Variants in PARP2 observed in about 807,000 individuals in gnomAD.
The protein encoded by PARP2 is poly [ADP-ribose] polymerase 2.
Under a neutral mutation model 77.8 loss-of-function variants are expected in PARP2, and 57 were observed. The ratio of observed to expected loss-of-function variants is 0.73; its 90% confidence interval spans 0.59 to 0.91. The LOEUF (loss-of-function observed/expected upper bound fraction) is 0.91, where lower values mean the gene tolerates loss of function less well. Ranked by LOEUF, PARP2 falls within the 40% of genes least tolerant of loss-of-function variation. The probability of loss-of-function intolerance (pLI) is 0.00; values close to 1 mark genes in which losing one functional copy is unlikely to be tolerated. For missense variants in PARP2, 651 were observed against 689.0 expected (o/e 0.94, Z 0.62); for synonymous variants, 226 against 242.6 (o/e 0.93, Z 0.64).
chr14:20,353,993 C>A, intron 7 of PARP2, 92 bp from the exon 8 acceptor site: 1 of 1,046,460 alleles, frequency 9.6e-7, no homozygotes, highest in Non-Finnish European at 1.4e-6. Flanking sequence ...AAAAACTTTA[C>A]AAAGCATTTA....
At chr14:20,357,290 C>T (rs1164882300) in intron 14 of PARP2, 106 bp from the exon 15 acceptor site, 2 of 1,391,700 alleles carry the variant, frequency 1.4e-6, no homozygotes, top group Non-Finnish European at 2.0e-6. Context: ...CATTGGATTC[C>T]TCTGCTGGAG....
intron 9 of PARP2, 132 bp from the exon 10 acceptor site, chr14:20,355,620 T>C (rs1884115757): frequency 3.2e-6 from 2 of 630,766 alleles, no homozygotes; most frequent in South Asian, 4.1e-5. Flanking sequence ...ACAGATCTCT[T>C]TCTCTCTCAA....
intron 3 of PARP2, among the ~76,000 whole-genome samples, chr14:20,346,321 CTTTTTTTT>C (rs71108595): frequency 3.3e-5 from 3 of 90,858 alleles, no homozygotes; most frequent in African/African-American, 1.4e-4. Flanking sequence ...CAGTTAGAAT[CTTTTTTTT>C]TTTTTTTTTT....
At chr14:20,355,159 A>T in intron 9 of PARP2, 1 of 468,080 alleles carries the variant, frequency 2.1e-6, no homozygotes, top group Non-Finnish European at 3.7e-6. Context: ...ATATTCTCTG[A>T]CAAAGTGGAA....
intron 4 of PARP2, among the ~76,000 whole-genome samples, chr14:20,347,867 G>T (rs1883825743): frequency 7.2e-6 from 1 of 139,394 alleles, no homozygotes; most frequent in African/African-American, 3.1e-5. Context: ...ATATCCTTTT[G>T]CACATTTTTT....
chr14:20,356,481 T>A (rs1884157141), intron 12 of PARP2, 47 bp downstream of exon 12: 1 of 1,613,264 alleles, frequency 6.2e-7, no homozygotes, highest in African/African-American at 1.3e-5. Flanking sequence ...TGCCCGAAAG[T>A]ACAGCTGTAG....
chr14:20,354,312 T>C (rs1884065134), intron 8 of PARP2, 65 bp downstream of exon 8: 1 of 1,254,768 alleles, frequency 8.0e-7, no homozygotes, highest in Non-Finnish European at 1.1e-6. Flanking sequence ...ATGGATACTT[T>C]ATTATCATTA....
At chr14:20,347,385 TATATATATATATA>T (rs1343658749) in intron 4 of PARP2, among the ~76,000 whole-genome samples, 14 of 21,374 alleles carry the variant, frequency 6.6e-4, no homozygotes, top group African/African-American at 1.6e-3. Flanking sequence ...TATATATATA[TATATATATATATA>T]TTTTTTTTTT....
intron 6 of PARP2, 124 bp from the exon 7 acceptor site, chr14:20,352,121 G>A (rs2138935926): frequency 3.9e-6 from 2 of 512,146 alleles, no homozygotes; most frequent in East Asian, 3.0e-5. Context: ...TTGATTTATG[G>A]AAAGTTGATG....
chr14:20,354,544 A>C, intron 8 of PARP2: 1 of 528,342 alleles, frequency 1.9e-6, no homozygotes, highest in Non-Finnish European at 3.3e-6. Context: ...TAAAAATAGA[A>C]AAATTAGCCA....
intron 3 of PARP2, 35 bp from the exon 4 acceptor site, chr14:20,346,828 A>G: frequency 7.0e-7 from 1 of 1,431,660 alleles, no homozygotes. Context: ...CTGAACCTAT[A>G]CTAATGTTGA....
In PARP2 at chr14:20,345,374, A is replaced by G; in HGVS notation, c.203-20A>G. 1 of 1,598,430 alleles carries G rather than the reference A, an allele frequency of 6.3e-7. No homozygotes were observed. Reference sequence around the variant, plus strand: ...CTGTTTTTGATTCCCATAAAGTAGTACCTATCTGTCTTTCCTCAGAATCTG... The same window carrying G: ...CTGTTTTTGATTCCCATAAAGTAGTGCCTATCTGTCTTTCCTCAGAATCTG... On this transcript the variant is annotated intron_variant, in intron 2 of 15. Transcript: ENST00000429687.
At chr14:20,348,974 G>A (rs3093897) in intron 4 of PARP2, among the ~76,000 whole-genome samples, 3 of 151,432 alleles carry the variant, frequency 2.0e-5, no homozygotes, top group African/African-American at 7.3e-5. Context: ...AGCCGAGATC[G>A]TACCATTGTA....
At chr14:20,350,713 G>A in intron 5 of PARP2, 91 bp downstream of exon 5, 1 of 817,922 alleles carries the variant, frequency 1.2e-6, no homozygotes, top group South Asian at 1.5e-5. Context: ...GGTTTAAATT[G>A]GGTCAGTAGA....
rs1883984120 is a variant in PARP2 at position 20,352,318 on chromosome 14, C to G, written c.571C>G (p.Leu191Val). ...GAAGGTGCCTGGAAAATATGATATG[C>G]TACAGATGGACTATGCCACCAATAC... Reference protein sequence around the residue: ...FEKVPGKYDMLQMDYATNTQD... With the variant: ...FEKVPGKYDMVQMDYATNTQD... Residue 191 changes from leucine (L) to valine (V), a missense_variant, in exon 7 of 16, where the codon CTA becomes GTA. Transcript: ENST00000429687. 2.5e-6 allele frequency: 4 copies of G among 1,605,512 alleles called. No homozygotes were observed. The highest frequency in any genetic ancestry group is 3.4e-6 in the Non-Finnish European group (4 of 1,172,124).
intron 4 of PARP2, among the ~76,000 whole-genome samples, chr14:20,349,260 C>T (rs982561366): frequency 2.0e-5 from 3 of 151,806 alleles, no homozygotes; most frequent in African/African-American, 7.3e-5. Context: ...GTTGAGGCTA[C>T]AGTGAGCTGT....
In PARP2 at chr14:20,355,977, T is replaced by G; in HGVS notation, c.1047T>G (p.Tyr349Ter). The change falls in exon 11 of 16, where the codon TAT becomes TAG. Residue 349 changes from tyrosine to a stop codon, truncating the protein, a stop_gained. Coordinates refer to ENST00000429687, the MANE Select transcript of PARP2 (RefSeq NM_001042618.2). LOFTEE classifies it high-confidence loss of function. The stretch of plus-strand genomic sequence containing the variant: ...CAGAACACCCATTGGACCAACACTA[T>G]AGAAACCTACATTGTGCCTTGCGCC... ...QSPEHPLDQH[Y>*]RNLHCALRPL... The G allele has an allele frequency of 6.2e-7, 1 of 1,614,110 alleles. No homozygotes were observed. The highest frequency in any genetic ancestry group is 8.5e-7 in the Non-Finnish European group (1 of 1,179,954).
In PARP2 at chr14:20,356,993, C is replaced by T. The variant is rs1391349475; in HGVS notation, c.1330-58C>T. On this transcript the variant is annotated intron_variant, in intron 13 of 15. Transcript: ENST00000429687. ...GGAAAAACAGGGTCAGTGGTATGCA[C>T]CTTCTCTCTAACACAGTGGGTTAGA... 3 of 1,066,110 alleles carry T rather than the reference C, an allele frequency of 2.8e-6. No homozygotes were observed. In the East Asian group the frequency reaches 7.1e-5, roughly 25 times the overall value. The allele number at this position is 1,066,110 out of a possible 1,614,324, so 66.0% of individuals were successfully genotyped here.
In PARP2 at chr14:20,352,361, T is replaced by A; in HGVS notation, c.600+14T>A. The stretch of plus-strand genomic sequence containing the variant: ...ACCAATACTCAGGTAACTCTCACTA[T>A]ACTTTTCGAAAGAAACACATCTTCT... On this transcript the variant is annotated intron_variant, in intron 7 of 15. Transcript: ENST00000429687. The A allele has an allele frequency of 2.7e-6, 4 of 1,458,772 alleles. No individual in the cohort carries two copies. Among genetic ancestry groups the A allele is most frequent in the Non-Finnish European group, 3.8e-6 (4 of 1,043,920 alleles). The allele number at this position is 1,458,772 out of a possible 1,614,324, so 90.4% of individuals were successfully genotyped here. A position where few individuals can be genotyped will look rare whatever the true frequency, so the allele number is the denominator to read the frequency against.
Sources: gnomAD v4.1 joint callset for allele counts (sites outside exome capture counted in the v4.1 genomes callset) on GRCh38, gnomAD v4.1.1 for gene constraint, MANE v1.5 for transcripts, NCBI Gene and HGNC (gene_info 2026-07-23, HGNC 2026-07-21) for gene names.